The following PODXL variants were observed in gnomAD, a reference collection of about 807,000 sequenced individuals.
PODXL encodes podocalyxin.
PODXL carries 20 observed loss-of-function variants against 48.9 expected under a neutral mutation model. The ratio of observed to expected loss-of-function variants is 0.41; its 90% CI spans 0.29 to 0.59. The LOEUF (loss-of-function observed/expected upper bound fraction) is 0.59. PODXL is among the 20% of genes least tolerant of loss of function. The pLI is 0.31. For missense variants in PODXL, 606 were observed against 675.1 expected, an observed-to-expected ratio of 0.90 and a Z score of 1.13; for synonymous variants, 295 against 287.4, an observed-to-expected ratio of 1.03 and a Z score of -0.27.
Position 131,501,161 on chromosome 7 carries a change from CTTG to C in PODXL, c.*3147_*3149del, listed in dbSNP as rs887102298. ...GACAAATACTTTATCATAAGTTTGT[CTTG>C]TTATATTTCATTTTTTGTTTAAAAA... On this transcript the variant is annotated 3_prime_UTR_variant, in exon 9 of 9. Coordinates refer to ENST00000378555, the MANE Select transcript of PODXL (RefSeq NM_001018111.3). 6.6e-6 allele frequency: 1 copy of C among 152,058 alleles called. No homozygotes were observed. The highest frequency in any genetic ancestry group is 2.4e-5 in the African/African-American group (1 of 41,182). The allele number at this position is 152,058 out of a possible 1,614,324, so 9.4% of individuals were successfully genotyped here. A position where few individuals can be genotyped will look rare whatever the true frequency, so the allele number is the denominator to read the frequency against.
At position 131,554,984 on chromosome 7, in the gene PODXL, C is replaced by A. The variant is rs549264938; in HGVS notation, c.100+1276G>T. Among the ~76,000 whole-genome samples the A allele has an allele frequency of 3.5e-4, 53 of 152,320 alleles. 1 individual carries two copies. The highest frequency in any genetic ancestry group is 1.5e-3 in the Admixed American group (23 of 15,306). ...CTTCCAGGGACACACATTCTTCCCC[C>A]CGCCGGGACCTTCCCTTTCTAGTCA... On this transcript the variant is annotated intron_variant, in intron 1 of 8. Coordinates refer to ENST00000378555, the MANE Select transcript of PODXL (RefSeq NM_001018111.3).
In PODXL at chr7:131,503,175, A is replaced by G. The variant is rs745312589; in HGVS notation, c.*1136T>C. ...AACTTGAAATGTCCCTGAGTTTCCT[A>G]TGATATACAGGGGAAAGCCTGTCCT... On this transcript the variant is annotated 3_prime_UTR_variant, in exon 9 of 9. Coordinates refer to ENST00000378555, the MANE Select transcript of PODXL (RefSeq NM_001018111.3). 2.6e-5 allele frequency: 4 copies of G among 152,656 alleles called. No homozygotes were observed. The highest frequency in any genetic ancestry group is 5.9e-5 in the Non-Finnish European group (4 of 68,048). The allele number at this position is 152,656 out of a possible 1,614,324, so 9.5% of individuals were successfully genotyped here. A position where few individuals can be genotyped will look rare whatever the true frequency, so the allele number is the denominator to read the frequency against.
At chr7:131,507,341 C>G (rs529873003) in intron 5 of PODXL, among the ~76,000 whole-genome samples, 1 of 152,168 alleles carries the variant, frequency 6.6e-6, no homozygotes, top group Non-Finnish European at 1.5e-5. Context: ...TTGAAGCTAC[C>G]CCTAGGATAT....
rs949841350 is a variant in PODXL at position 131,500,486 on chromosome 7, C to T, written c.*3825G>A. The T allele has an allele frequency of 1.3e-5, 2 of 152,604 alleles. No homozygotes were observed. The highest frequency in any genetic ancestry group is 4.8e-5 in the African/African-American group (2 of 41,454). The allele number at this position is 152,604 out of a possible 1,614,324, so 9.5% of individuals were successfully genotyped here. A position where few individuals can be genotyped will look rare whatever the true frequency, so the allele number is the denominator to read the frequency against. On this transcript the variant is annotated 3_prime_UTR_variant, in exon 9 of 9. Coordinates refer to ENST00000378555, the MANE Select transcript of PODXL (RefSeq NM_001018111.3). ...GACAAAAAGACCAACACCAAAGAGTCATCTGTGTCCTCCATGCTGTGTTTG... is the reference window on the plus strand; with the variant it reads ...GACAAAAAGACCAACACCAAAGAGTTATCTGTGTCCTCCATGCTGTGTTTG...
At chr7:131,550,001 G>A (rs569132239) in intron 1 of PODXL, among the ~76,000 whole-genome samples, 1 of 152,366 alleles carries the variant, frequency 6.6e-6, no homozygotes, top group African/African-American at 2.4e-5. Flanking sequence ...GGCAGGGCCA[G>A]GACTCAGAGA....
At chr7:131,526,565 AAAT>A (rs750362691) in intron 1 of PODXL, among the ~76,000 whole-genome samples, 9 of 152,064 alleles carry the variant, frequency 5.9e-5, no homozygotes, top group Non-Finnish European at 1.2e-4. Context: ...GGGAAATGCA[AAAT>A]AAGAATTTTC....
intron 1 of PODXL, among the ~76,000 whole-genome samples, chr7:131,539,478 G>A (rs1029951104): frequency 1.3e-5 from 2 of 152,070 alleles, no homozygotes; most frequent in African/African-American, 2.4e-5. Context: ...TTACAGGCAC[G>A]CACCACCACG....
intron 1 of PODXL, among the ~76,000 whole-genome samples, chr7:131,547,738 G>A (rs1014983011): frequency 2.0e-5 from 3 of 152,186 alleles, no homozygotes; most frequent in South Asian, 2.1e-4. Flanking sequence ...CCCCCAAATC[G>A]GCCTCCTCTT....
Position 131,503,651 on chromosome 7 carries a change from T to G in PODXL, c.*660A>C, listed in dbSNP as rs993386022. ...GTTCAAGGTTATGAATAACCTGTGC[T>G]AATCCCAGAGGCCCCAGGACAGAGT... On this transcript the variant is annotated 3_prime_UTR_variant, in exon 9 of 9. Coordinates refer to ENST00000378555, the MANE Select transcript of PODXL (RefSeq NM_001018111.3). 6.5e-6 allele frequency: 1 copy of G among 152,798 alleles called. No homozygotes were observed. Among genetic ancestry groups the G allele is most frequent in the African/African-American group, 2.4e-5 (1 of 41,462 alleles). 9.5% of individuals were successfully genotyped at this position (152,798 alleles called of 1,614,324 possible).
chr7:131,501,405 A>G lies in PODXL; in HGVS notation c.*2906T>C, dbSNP rs894510781. 2 of 152,612 alleles carry G rather than the reference A, an allele frequency of 1.3e-5. No individual in the cohort carries two copies. Among genetic ancestry groups the G allele is most frequent in the African/African-American group, 2.4e-5 (1 of 41,438 alleles). The allele number at this position is 152,612 out of a possible 1,614,324, so 9.5% of individuals were successfully genotyped here. ...TTGTTCTTCAAAGTTTCTCCAGTAT[A>G]TTGTCAAAAAAGATAAAGCTCAAGA... On this transcript the variant is annotated 3_prime_UTR_variant, in exon 9 of 9. Coordinates refer to ENST00000378555, the MANE Select transcript of PODXL (RefSeq NM_001018111.3).
intron 1 of PODXL, among the ~76,000 whole-genome samples, chr7:131,534,115 C>A (rs1430034902): frequency 6.6e-6 from 1 of 152,142 alleles, no homozygotes; most frequent in Non-Finnish European, 1.5e-5. Flanking sequence ...CCTCCACTCC[C>A]TCTCGAGCCA....
rs555589886 is a variant in PODXL, at chr7:131,504,267, G to T, written c.*44C>A. ...ATCCAAACGGCACTTGGGGTGGTTG[G>T]TCTGGAGCTCTGTGGTGCTGCTGGA... On this transcript the variant is annotated 3_prime_UTR_variant, in exon 9 of 9. Transcript: ENST00000378555. The T allele has an allele frequency of 6.2e-5, 97 of 1,555,186 alleles. 3 individuals carry two copies. The South Asian group carries it at 1.0e-3, about 17-fold the overall frequency.
chr7:131,550,674 G>A (rs776633012), intron 1 of PODXL, among the ~76,000 whole-genome samples: 3 of 152,128 alleles, frequency 2.0e-5, no homozygotes, highest in African/African-American at 7.2e-5. Flanking sequence ...ATATAAAGGG[G>A]ATTTGGTGAG....
intron 1 of PODXL, among the ~76,000 whole-genome samples, chr7:131,554,205 C>T (rs1180449992): frequency 1.3e-5 from 2 of 152,076 alleles, no homozygotes; most frequent in Admixed American, 6.5e-5. Context: ...TTACTGAGTC[C>T]CTAGAGGGTG....
At chr7:131,526,458 T>C (rs115999923) in intron 1 of PODXL, among the ~76,000 whole-genome samples, 183 of 150,930 alleles carry the variant, frequency 1.2e-3, no homozygotes, top group African/African-American at 4.0e-3. Flanking sequence ...AAAACTTCTA[T>C]ACTTAAGAAA....
intron 1 of PODXL, among the ~76,000 whole-genome samples, chr7:131,540,157 C>G (rs560759303): frequency 6.6e-6 from 1 of 152,216 alleles, no homozygotes; most frequent in African/African-American, 2.4e-5. Context: ...ATGATCCTCC[C>G]ACCTCAGCCT....
In PODXL at chr7:131,510,984, T is replaced by C. The variant is rs916555511; in HGVS notation, c.550A>G (p.Thr184Ala). Residue 184 changes from threonine (T) to alanine (A), a missense_variant, in exon 2 of 9, where the codon ACA becomes GCA. Physicochemically the swap from Thr to Ala is moderately conservative, Grantham distance 58 (BLOSUM62 0). Transcript: ENST00000378555. ...GGTTGTCGGGGGCTAAGTGGACTTGTAGGGTGAGGGGTCGTCAGATGTTCT... is the reference window on the plus strand; with the variant it reads ...GGTTGTCGGGGGCTAAGTGGACTTGCAGGGTGAGGGGTCGTCAGATGTTCT... ...KAEHLTTPHP[T>A]SPLSPRQPTS... 6.2e-7 allele frequency: 1 copy of C among 1,614,026 alleles called. No individual in the cohort carries two copies.
Position 131,556,573 on chromosome 7 carries a change from A to AGCG in PODXL, c.-217_-215dup, listed in dbSNP as rs950879591. On this transcript the variant is annotated 5_prime_UTR_variant, in exon 1 of 9. Transcript: ENST00000378555. ...TGGGGCGCAGAGCCAGTGGCAGAGGAGCGGCGGCGGCGGCGGCTGCGTCCT... is the reference window on the plus strand; with the variant it reads ...TGGGGCGCAGAGCCAGTGGCAGAGGAGCGGCGGCGGCGGCGGCGGCTGCGTCCT... 16 of 464,124 alleles carry AGCG rather than the reference A, an allele frequency of 3.4e-5. No individual in the cohort carries two copies. The highest frequency in any genetic ancestry group is 2.4e-4 in the Admixed American group (5 of 20,822). The allele number at this position is 464,124 out of a possible 1,614,324, so 28.8% of individuals were successfully genotyped here.
At chr7:131,524,554 A>C (rs1798150162) in intron 1 of PODXL, among the ~76,000 whole-genome samples, 1 of 152,232 alleles carries the variant, frequency 6.6e-6, no homozygotes, top group Non-Finnish European at 1.5e-5. Flanking sequence ...TTCAAATTCA[A>C]GCTCCAATGC....
Sources: allele counts gnomAD v4.1 joint callset (sites outside exome capture counted in the v4.1 genomes callset), GRCh38; gene constraint gnomAD v4.1.1; transcripts MANE v1.5; gene names NCBI Gene and HGNC (gene_info 2026-07-23, HGNC 2026-07-21).